DLG1: variants seen among roughly 807,000 people sequenced by gnomAD.
DLG1 encodes the protein discs large MAGUK scaffold protein 1, also known as disks large homolog 1.
In DLG1, 42 loss-of-function variants were observed where a neutral mutation model predicts 123.4. That is an observed-to-expected ratio of 0.34 (90% CI 0.27 to 0.44). The LOEUF is 0.44. Among genes scored for constraint, DLG1 ranks in the 20% least tolerant of loss-of-function variants. The probability of loss-of-function intolerance (pLI) is 1.00; values close to 1 mark genes in which losing one functional copy is unlikely to be tolerated. For synonymous variants in DLG1, 317 were observed against 356.2 expected (o/e 0.89, Z 1.24); for missense variants, 942 against 1,082.6 (o/e 0.87, Z 1.82).
chr3:197,067,672 C>T (rs1740618209), intron 19 of DLG1, among the ~76,000 whole-genome samples: 2 of 150,386 alleles, frequency 1.3e-5, no homozygotes, highest in Admixed American at 1.3e-4. Context: ...GTTCTCCTGC[C>T]TCAGCCTCCC....
chr3:197,104,973 A>G lies in DLG1; in HGVS notation c.1476T>C (p.His492=). The change falls in exon 14 of 25, where the codon CAT becomes CAC. Residue 492 remains histidine, a synonymous_variant. Coordinates refer to ENST00000667157, the MANE Select transcript of DLG1 (RefSeq NM_001366207.1). ...TTTTCAATGCAGCTGCTGCCTGCTC[A>G]TGACTAGCAGCTCTGAGGTCAACAC... ...VNSVDLRAAS[H]EQAAAALKNA... is the part of the protein sequence containing the mutation. The G allele has an allele frequency of 1.2e-6, 2 of 1,613,230 alleles. No individual in the cohort carries two copies. Among genetic ancestry groups the G allele is most frequent in the Non-Finnish European group, 8.5e-7 (1 of 1,179,564 alleles).
At chr3:197,195,306 C>G (rs143512778) in intron 4 of DLG1, among the ~76,000 whole-genome samples, 9 of 148,628 alleles carry the variant, frequency 6.1e-5, no homozygotes, top group African/African-American at 2.2e-4. Flanking sequence ...AAAAAAAAAG[C>G]GAACATAAAG....
intron 14 of DLG1, among the ~76,000 whole-genome samples, chr3:197,103,547 C>T (rs1008064128): frequency 2.0e-5 from 3 of 151,764 alleles, no homozygotes; most frequent in Non-Finnish European, 4.4e-5. Flanking sequence ...GACATTCTGA[C>T]TTCATACGTT....
chr3:197,245,902 G>A (rs1431699799), intron 4 of DLG1, among the ~76,000 whole-genome samples: 1 of 136,664 alleles, frequency 7.3e-6, no homozygotes, highest in Non-Finnish European at 1.6e-5. Context: ...TTTTTTTTTG[G>A]GGGGGGGGGA....
intron 24 of DLG1, 40 bp downstream of exon 24, chr3:197,051,537 A>G: frequency 6.4e-7 from 1 of 1,570,172 alleles, no homozygotes; most frequent in Non-Finnish European, 8.8e-7. Context: ...TTCAAAGCAA[A>G]ATTCTATCTT....
intron 24 of DLG1, among the ~76,000 whole-genome samples, chr3:197,045,085 T>C (rs957600277): frequency 2.0e-5 from 3 of 151,968 alleles, no homozygotes; most frequent in African/African-American, 7.2e-5. Flanking sequence ...TACAATCCCA[T>C]AGACAGGATG....
At chr3:197,201,227 C>A (rs963131774) in intron 4 of DLG1, among the ~76,000 whole-genome samples, 1 of 152,112 alleles carries the variant, frequency 6.6e-6, no homozygotes, top group East Asian at 1.9e-4. Context: ...ACTAAAAATA[C>A]AAAAAATTTA....
intron 4 of DLG1, among the ~76,000 whole-genome samples, chr3:197,233,481 G>T (rs985467908): frequency 2.0e-5 from 3 of 152,204 alleles, no homozygotes; most frequent in African/African-American, 7.2e-5. Flanking sequence ...CCACGTCGCA[G>T]GTTCAAGCAA....
At chr3:197,082,548 T>G (rs1322735830) in intron 16 of DLG1, among the ~76,000 whole-genome samples, 1 of 152,172 alleles carries the variant, frequency 6.6e-6, no homozygotes, top group Non-Finnish European at 1.5e-5. Context: ...CATTATTTTG[T>G]TTAGTACATA....
chr3:197,197,672 AG>A (rs1332616207), intron 4 of DLG1, among the ~76,000 whole-genome samples: 2 of 152,246 alleles, frequency 1.3e-5, no homozygotes, highest in Non-Finnish European at 2.9e-5. Context: ...CGGAATTGCG[AG>A]GAACACAGAA....
intron 4 of DLG1, among the ~76,000 whole-genome samples, chr3:197,200,137 A>G (rs1724847230): frequency 6.6e-6 from 1 of 152,254 alleles, no homozygotes; most frequent in African/African-American, 2.4e-5. Flanking sequence ...CAATTTTCTG[A>G]TTATGGAAAT....
At chr3:197,134,645 T>G (rs1393042118) in intron 10 of DLG1, among the ~76,000 whole-genome samples, 3 of 152,240 alleles carry the variant, frequency 2.0e-5, no homozygotes, top group Non-Finnish European at 4.4e-5. Flanking sequence ...TATACTACTT[T>G]CATCTTGTCT....
At chr3:197,259,166 T>G (rs1315227171) in intron 4 of DLG1, among the ~76,000 whole-genome samples, 2 of 152,054 alleles carry the variant, frequency 1.3e-5, no homozygotes, top group African/African-American at 2.4e-5. Context: ...GAAAAAAATT[T>G]AGAGAGGGAA....
chr3:197,215,364 T>C (rs1733570079), intron 4 of DLG1, among the ~76,000 whole-genome samples: 1 of 152,146 alleles, frequency 6.6e-6, no homozygotes, highest in Non-Finnish European at 1.5e-5. Context: ...ATGTGACTCC[T>C]GTATCATACC....
At chr3:197,292,154 A>G (rs909194022) in intron 3 of DLG1, among the ~76,000 whole-genome samples, 5 of 152,230 alleles carry the variant, frequency 3.3e-5, no homozygotes, top group Non-Finnish European at 7.3e-5. Context: ...GGTCTTGAAG[A>G]AATATTTGCA....
At chr3:197,132,906 CATTA>C (rs1240194046) in intron 10 of DLG1, among the ~76,000 whole-genome samples, 26 of 127,694 alleles carry the variant, frequency 2.0e-4, no homozygotes, top group Non-Finnish European at 3.7e-4. Flanking sequence ...CTGAAATACA[CATTA>C]AATAGCTGTG....
At chr3:197,276,358 A>C (rs1164594042) in intron 4 of DLG1, among the ~76,000 whole-genome samples, 5 of 152,244 alleles carry the variant, frequency 3.3e-5, no homozygotes, top group Non-Finnish European at 7.3e-5. Flanking sequence ...ATACGAATAT[A>C]AAGTTGTCTT....
intron 23 of DLG1, among the ~76,000 whole-genome samples, chr3:197,054,318 A>T (rs1282352604): frequency 1.0e-5 from 1 of 98,388 alleles, no homozygotes; most frequent in Non-Finnish European, 2.1e-5. Context: ...ATTTCTTCAA[A>T]CAATCTCTCT....
intron 18 of DLG1, chr3:197,070,148 C>T (rs1446008562): frequency 2.0e-5 from 3 of 152,054 alleles, no homozygotes; most frequent in Non-Finnish European, 4.4e-5. Context: ...TAAATATCTC[C>T]CTTCAATTAA....
Sources: gnomAD v4.1 joint callset for allele counts (sites outside exome capture counted in the v4.1 genomes callset) on GRCh38, gnomAD v4.1.1 for gene constraint, MANE v1.5 for transcripts, NCBI Gene and HGNC (gene_info 2026-07-23, HGNC 2026-07-21) for gene names.